The following MFSD11 variants were observed in gnomAD, a reference collection of about 807,000 sequenced individuals.
MFSD11 encodes the protein UNC93-like protein MFSD11.
A neutral mutation model predicts 53.5 loss-of-function variants in MFSD11; 36 were observed. That is an observed-to-expected ratio of 0.67 (90% CI 0.52 to 0.89). MFSD11 has a LOEUF of 0.89. Among genes scored for constraint, MFSD11 ranks in the 40% least tolerant of loss-of-function variants. The probability of loss-of-function intolerance (pLI) is 0.00; values close to 1 mark genes in which losing one functional copy is unlikely to be tolerated. For synonymous variants in MFSD11, 186 were observed against 184.9 expected (o/e 1.01, Z -0.05); for missense variants, 530 against 543.9 (o/e 0.97, Z 0.25).
the MFSD11 span, among the ~76,000 whole-genome samples, chr17:76,794,796 G>C: frequency 7.2e-6 from 1 of 139,782 alleles, no homozygotes. Flanking sequence ...AGGTTCAAGC[G>C]ATTCTCCTGC....
chr17:76,756,304 A>G lies in MFSD11; in HGVS notation c.682+2217A>G, dbSNP rs575011998. Among the ~76,000 whole-genome samples the G allele has an allele frequency of 1.9e-4, 29 of 150,672 alleles. No individual in the cohort carries two copies. In the East Asian group the frequency reaches 5.8e-3, roughly 30 times the overall value. On this transcript the variant is annotated intron_variant, in intron 8 of 12. Transcript: ENST00000685175. ...CGCCCAGCTAATTTTTGCATTTTTTAGTAGAGACAGGGTTTCTCCATTTTG... is the reference window on the plus strand; with the variant it reads ...CGCCCAGCTAATTTTTGCATTTTTTGGTAGAGACAGGGTTTCTCCATTTTG...
downstream of MFSD11, among the ~76,000 whole-genome samples, chr17:76,779,507 C>T (rs555311336): frequency 2.0e-4 from 31 of 151,940 alleles, no homozygotes; most frequent in African/African-American, 5.6e-4. Flanking sequence ...TATTTAGAGA[C>T]GGAGTCTCAC....
the MFSD11 span, among the ~76,000 whole-genome samples, chr17:76,802,645 GAGGCAGGCAAATCACTTA>G: frequency 6.6e-6 from 1 of 152,086 alleles, no homozygotes; most frequent in African/African-American, 2.4e-5. Context: ...TCGGGAGGCC[GAGGCAGGCAAATCACTTA>G]AGGTCAGGAG....
chr17:76,755,758 G>GTA (rs1568075438), intron 8 of MFSD11, among the ~76,000 whole-genome samples: 155 of 104,276 alleles, frequency 1.5e-3, no homozygotes, highest in South Asian at 3.5e-3. Flanking sequence ...ATGTGTATAT[G>GTA]TATATATGTA....
Position 76,738,251 on chromosome 17 carries a change from T to A in MFSD11, c.-102T>A, listed in dbSNP as rs1568033538. The A allele has an allele frequency of 1.3e-6, 1 of 752,478 alleles. No homozygotes were observed. The highest frequency in any genetic ancestry group is 1.6e-5 in the South Asian group (1 of 61,508). The allele number at this position is 752,478 out of a possible 1,614,324, so 46.6% of individuals were successfully genotyped here. On this transcript the variant is annotated 5_prime_UTR_variant, in exon 1 of 13. Transcript: ENST00000685175. ...GGCTGCCTGGCTCCTGCATCTGCCT[T>A]CTCCACTCACCATCTCATTTCTTTC...
At chr17:76,762,027 T>C (rs1450361542) in intron 8 of MFSD11, among the ~76,000 whole-genome samples, 3 of 151,880 alleles carry the variant, frequency 2.0e-5, no homozygotes. Flanking sequence ...CGTGTAACCA[T>C]CACTTTACTC....
chr17:76,743,468 T>TC lies in MFSD11; in HGVS notation c.496+13dup. 1 of 1,542,540 alleles carries TC rather than the reference T, an allele frequency of 6.5e-7. No homozygotes were observed. The highest frequency in any genetic ancestry group is 1.4e-5 in the African/African-American group (1 of 71,932). ...AACTCAGATATCAGGTTTGTTTTAT[T>TC]CGCGTTGCTTTATTCAGATATGTTC... On this transcript the variant is annotated intron_variant, in intron 6 of 12. Coordinates refer to ENST00000685175, the MANE Select transcript of MFSD11 (RefSeq NM_001242532.5).
At position 76,778,279 on chromosome 17, in the gene MFSD11, C is replaced by G. The variant is rs1293056701; in HGVS notation, c.1277C>G (p.Thr426Arg). The G allele has an allele frequency of 1.5e-5, 24 of 1,614,058 alleles. No individual in the cohort carries two copies. Among genetic ancestry groups the G allele is most frequent in the Non-Finnish European group, 1.9e-5 (23 of 1,180,042 alleles). ...LVMVIFGFFG[T>R]ISFFTVEWEA... ...ATGGTGATATTTGGGTTTTTTGGAA[C>G]AATTTCTTTCTTCACTGTGGAATGG... is the stretch of plus-strand genomic sequence containing the variant. The change falls in exon 13 of 13, where the codon ACA becomes AGA. Residue 426 changes from threonine to arginine, a missense_variant. Transcript: ENST00000685175.
At chr17:76,740,091 G>C (rs1256392334) in intron 2 of MFSD11, among the ~76,000 whole-genome samples, 2 of 150,526 alleles carry the variant, frequency 1.3e-5, no homozygotes, top group Non-Finnish European at 2.9e-5. Flanking sequence ...AGAGAATGGC[G>C]TGAACCCGGG....
At position 76,778,178 on chromosome 17, in the gene MFSD11, T is replaced by C; in HGVS notation, c.1186-10T>C. On this transcript the variant is annotated splice_polypyrimidine_tract_variant and intron_variant, in intron 12 of 12. Transcript: ENST00000685175. ...GTGCGCCCGTTGTGATTTGTTTTGT[T>C]TGTTCTTAGTCTATTTGCGCAGCCG... 6.2e-7 allele frequency: 1 copy of C among 1,613,998 alleles called. No individual in the cohort carries two copies.
chr17:76,748,260 G>A (rs1162726560), intron 7 of MFSD11, among the ~76,000 whole-genome samples: 1 of 152,174 alleles, frequency 6.6e-6, no homozygotes, highest in South Asian at 2.1e-4. Context: ...GATTATGTAA[G>A]CCAAGATAGG....
intron 11 of MFSD11, among the ~76,000 whole-genome samples, chr17:76,775,569 AG>A (rs1365312526): frequency 2.6e-5 from 4 of 152,182 alleles, no homozygotes; most frequent in Admixed American, 2.6e-4. Flanking sequence ...ATAACGTTTG[AG>A]GATATCGGTT....
chr17:76,786,466 T>C, the MFSD11 span, among the ~76,000 whole-genome samples: 1 of 152,026 alleles, frequency 6.6e-6, no homozygotes, highest in Non-Finnish European at 1.5e-5. Context: ...AACTTGGGGA[T>C]TCACTAGGAC....
intron 8 of MFSD11, among the ~76,000 whole-genome samples, chr17:76,766,215 G>A (rs1213413673): frequency 1.3e-5 from 2 of 151,354 alleles, no homozygotes; most frequent in East Asian, 1.9e-4. Context: ...TCAGGAGTTC[G>A]AGACCAGCCT....
chr17:76,736,807 C>T (rs755985389), upstream of MFSD11: 10 of 1,572,932 alleles, frequency 6.4e-6, no homozygotes, highest in Non-Finnish European at 8.6e-6. Context: ...ACCTGCGGCT[C>T]CGGCGTCCGT....
intron 10 of MFSD11, among the ~76,000 whole-genome samples, chr17:76,772,236 C>T (rs1346489348): frequency 1.3e-5 from 2 of 151,924 alleles, no homozygotes; most frequent in Admixed American, 1.3e-4. Flanking sequence ...GCCTGGGCAA[C>T]ATGGCAAAAC....
intron 7 of MFSD11, among the ~76,000 whole-genome samples, chr17:76,749,236 C>T (rs920869083): frequency 1.3e-5 from 2 of 152,024 alleles, no homozygotes; most frequent in African/African-American, 4.8e-5. Context: ...ATGGCCCATG[C>T]TTGGCCTGTG....
At chr17:76,766,325 A>G (rs2080849735) in intron 8 of MFSD11, among the ~76,000 whole-genome samples, 1 of 151,108 alleles carries the variant, frequency 6.6e-6, no homozygotes, top group African/African-American at 2.4e-5. Context: ...AGGCTGAGGC[A>G]GGAGAATCGC....
chr17:76,756,403 C>T (rs1266455919), intron 8 of MFSD11, among the ~76,000 whole-genome samples: 2 of 152,032 alleles, frequency 1.3e-5, no homozygotes, highest in Admixed American at 6.6e-5. Context: ...GGATTATAGG[C>T]GTGAGCCACC....
Sources: allele counts gnomAD v4.1 joint callset (sites outside exome capture counted in the v4.1 genomes callset), GRCh38; gene constraint gnomAD v4.1.1; transcripts MANE v1.5; gene names NCBI Gene and HGNC (gene_info 2026-07-23, HGNC 2026-07-21).